Variants in NCALD observed in about 807,000 individuals in gnomAD.
NCALD encodes the protein neurocalcin delta, also known as neurocalcin-delta.
NCALD carries 10 observed loss-of-function variants against 18.6 expected under a neutral mutation model. That is an observed-to-expected ratio of 0.54 (90% confidence interval 0.33 to 0.91). The LOEUF (loss-of-function observed/expected upper bound fraction) is 0.91, where lower values mean the gene tolerates loss of function less well. NCALD is among the 40% of genes least tolerant of loss of function. NCALD has a pLI of 0.03. For missense variants in NCALD, 184 were observed against 247.6 expected (o/e 0.74, Z 1.72); for synonymous variants, 88 against 87.4 (o/e 1.01, Z -0.04).
At chr8:102,003,350 T>G (rs1425442812) in intron 2 of NCALD, among the ~76,000 whole-genome samples, 1 of 152,246 alleles carries the variant, frequency 6.6e-6, no homozygotes, top group Non-Finnish European at 1.5e-5. Context: ...AATCTCTGAA[T>G]AGTCCAATAA....
intron 4 of NCALD, among the ~76,000 whole-genome samples, chr8:101,804,524 G>GATTATATAATATATAATTAATATAATTA (rs1563786276): frequency 1.2e-4 from 14 of 112,076 alleles, no homozygotes; most frequent in African/African-American, 4.9e-4. Flanking sequence ...ATATAACAAA[G>GATTATATAATATATAATTAATATAATTA]ATTATATAAT....
At chr8:101,806,789 A>G (rs774012821) in intron 4 of NCALD, among the ~76,000 whole-genome samples, 3 of 152,138 alleles carry the variant, frequency 2.0e-5, no homozygotes, top group Non-Finnish European at 4.4e-5. Flanking sequence ...AAAAGCATTA[A>G]TGTACACATT....
chr8:102,093,868 T>C (rs1825006925), intron 1 of NCALD, among the ~76,000 whole-genome samples: 1 of 152,200 alleles, frequency 6.6e-6, no homozygotes, highest in Admixed American at 6.5e-5. Flanking sequence ...GATGTGACAG[T>C]TAATGAAAAG....
At chr8:101,931,281 C>G in intron 2 of NCALD, among the ~76,000 whole-genome samples, 1 of 152,348 alleles carries the variant, frequency 6.6e-6, no homozygotes, top group East Asian at 1.9e-4. Flanking sequence ...AGGCAGTTCA[C>G]TTATCATTCA....
At chr8:101,837,994 A>T (rs1814484052) in intron 4 of NCALD, among the ~76,000 whole-genome samples, 1 of 152,188 alleles carries the variant, frequency 6.6e-6, no homozygotes, top group Non-Finnish European at 1.5e-5. Flanking sequence ...ACTCCCTCAG[A>T]TCTTACTTAG....
chr8:101,710,423 C>T (rs1815731736), intron 2 of NCALD, among the ~76,000 whole-genome samples: 1 of 152,208 alleles, frequency 6.6e-6, no homozygotes, highest in Admixed American at 6.5e-5. Context: ...GAGCCATTCA[C>T]TCCCCTGGAA....
intron 4 of NCALD, among the ~76,000 whole-genome samples, chr8:101,823,623 G>A (rs367816135): frequency 6.6e-6 from 1 of 152,168 alleles, no homozygotes; most frequent in East Asian, 1.9e-4. Context: ...TTCTAAATAG[G>A]GAGAAGGAAG....
chr8:101,803,061 C>T (rs910671345), intron 4 of NCALD, among the ~76,000 whole-genome samples: 2 of 152,112 alleles, frequency 1.3e-5, no homozygotes, highest in African/African-American at 4.8e-5. Context: ...GAAGAAGATG[C>T]CATCTAGAAC....
intron 1 of NCALD, among the ~76,000 whole-genome samples, chr8:101,783,341 G>A (rs1036912158): frequency 1.3e-5 from 2 of 152,176 alleles, no homozygotes; most frequent in African/African-American, 2.4e-5. Flanking sequence ...ACATTTCTGA[G>A]GATTTCAAAT....
At chr8:101,935,871 G>C (rs1818745292) in intron 2 of NCALD, among the ~76,000 whole-genome samples, 1 of 147,962 alleles carries the variant, frequency 6.8e-6, no homozygotes, top group African/African-American at 2.5e-5. Context: ...GAAAATCAAT[G>C]AAGCAGTGGT....
Position 101,825,215 on chromosome 8 carries a change from C to T in NCALD, c.-20+61926G>A, listed in dbSNP as rs141225167. 8.5e-3 allele frequency among the ~76,000 whole-genome samples: 1,292 copies of T among 152,314 alleles called. 13 individuals are homozygous for T. The highest frequency in any genetic ancestry group is 0.013 in the Non-Finnish European group (903 of 68,030). ...ATCCTCTGAGCAGAAGGTTGGGTCTCGCAGTTAACATAGTATACAGTAGGG... is the reference window on the plus strand; with the variant it reads ...ATCCTCTGAGCAGAAGGTTGGGTCTTGCAGTTAACATAGTATACAGTAGGG... On this transcript the variant is annotated intron_variant, in intron 4 of 6. Coordinates refer to the NCALD transcript ENST00000311028.
chr8:102,114,554 G>A (rs1825728448), intron 1 of NCALD, among the ~76,000 whole-genome samples: 2 of 152,208 alleles, frequency 1.3e-5, no homozygotes, highest in Non-Finnish European at 2.9e-5. Flanking sequence ...GGGAGGAAGT[G>A]GCTGAAGGAA....
intron 3 of NCALD, among the ~76,000 whole-genome samples, chr8:101,899,626 A>C (rs563095416): frequency 6.6e-6 from 1 of 151,916 alleles, no homozygotes; most frequent in Non-Finnish European, 1.5e-5. Context: ...GTTTCTGTAC[A>C]TCAATTAGTA....
chr8:101,937,625 T>C (rs962897137), intron 2 of NCALD, among the ~76,000 whole-genome samples: 1 of 152,192 alleles, frequency 6.6e-6, no homozygotes, highest in African/African-American at 2.4e-5. Context: ...TTATTGTGAA[T>C]GGTGCTGCAA....
intron 2 of NCALD, among the ~76,000 whole-genome samples, chr8:101,963,100 G>A (rs1254274000): frequency 1.3e-5 from 2 of 152,102 alleles, no homozygotes; most frequent in East Asian, 3.9e-4. Flanking sequence ...CAAAATTCCT[G>A]AAAATTTAAC....
intron 1 of NCALD, among the ~76,000 whole-genome samples, chr8:101,720,425 C>T (rs577178355): frequency 3.3e-5 from 5 of 152,172 alleles, no homozygotes; most frequent in African/African-American, 1.2e-4. Flanking sequence ...AAGAGTGATA[C>T]ATAGGGAAAA....
At chr8:102,084,084 C>T (rs1824649303) in intron 1 of NCALD, among the ~76,000 whole-genome samples, 1 of 152,230 alleles carries the variant, frequency 6.6e-6, no homozygotes. Context: ...TCTAAATGCA[C>T]AGTCAGAATA....
In NCALD at chr8:101,732,590, C is replaced by CT. The variant is rs576286368; in HGVS notation, c.-19-12943dup. Among the ~76,000 whole-genome samples the CT allele has an allele frequency of 9.1e-3, 490 of 53,674 alleles. 101 individuals carry two copies. Among genetic ancestry groups the CT allele is most frequent in the East Asian group, 0.014 (22 of 1,584 alleles). The allele number at this position is 53,674 out of a possible 152,430, so 35.2% of individuals were successfully genotyped here. On this transcript the variant is annotated intron_variant, in intron 1 of 3. Transcript: ENST00000220931. Reference sequence around the variant, plus strand: ...AATTCAGAGTATTTCTTTTTCTTTGCTTTTTTTTTTTTTTTTTTTTTTTTT... The same window carrying CT: ...AATTCAGAGTATTTCTTTTTCTTTGCTTTTTTTTTTTTTTTTTTTTTTTTTT...
rs1824214455 is a variant in NCALD at position 102,072,637 on chromosome 8, T to C, written c.-210+51600A>G. Among the ~76,000 whole-genome samples, 4 of 152,118 alleles carry C rather than the reference T, an allele frequency of 2.6e-5. No individual in the cohort carries two copies. In the South Asian group the frequency reaches 8.3e-4, roughly 31 times the overall value. On this transcript the variant is annotated intron_variant, in intron 1 of 6. Coordinates refer to the NCALD transcript ENST00000311028. ...ATAATAATAATAATAATACATTTAA[T>C]AGGCTTTATGCACTTTGGGAAATGT...
Sources: gnomAD v4.1 joint callset for allele counts (sites outside exome capture counted in the v4.1 genomes callset) on GRCh38, gnomAD v4.1.1 for gene constraint, MANE v1.5 for transcripts, NCBI Gene and HGNC (gene_info 2026-07-23, HGNC 2026-07-21) for gene names.